The following ZBTB40 variants were observed in gnomAD, a reference collection of about 807,000 sequenced individuals.
ZBTB40 encodes zinc finger and BTB domain containing 40.
ZBTB40 carries 60 observed loss-of-function variants against 117.5 expected under a neutral mutation model. That is an observed-to-expected ratio of 0.51 (90% CI 0.41 to 0.63). The LOEUF is 0.63. Among genes scored for constraint, ZBTB40 ranks in the 30% least tolerant of loss-of-function variants. The probability of loss-of-function intolerance (pLI) is 0.00; values close to 1 mark genes in which losing one functional copy is unlikely to be tolerated. For synonymous variants in ZBTB40, 525 were observed against 577.1 expected (o/e 0.91, Z 1.29); for missense variants, 1,287 against 1,498.5 (o/e 0.86, Z 2.33).
At chr1:22,499,961 CCTTT>C (rs1479552772) in intron 3 of ZBTB40, among the ~76,000 whole-genome samples, 1 of 152,124 alleles carries the variant, frequency 6.6e-6, no homozygotes, top group African/African-American at 2.4e-5. Context: ...AGAAAACTAA[CCTTT>C]TGCTCTCTAA....
chr1:22,522,304 C>G, intron 15 of ZBTB40, 73 bp from the exon 16 acceptor site: 12 of 1,454,936 alleles, frequency 8.2e-6, no homozygotes, highest in Non-Finnish European at 1.2e-5. Flanking sequence ...CAACCCCAGC[C>G]CTGTTACTCT....
intron 6 of ZBTB40, among the ~76,000 whole-genome samples, chr1:22,507,719 G>A (rs1376030220): frequency 6.6e-6 from 1 of 152,094 alleles, no homozygotes; most frequent in Non-Finnish European, 1.5e-5. Context: ...TCTCTTACAA[G>A]TACAGCCTTC....
intron 13 of ZBTB40, 136 bp from the exon 14 acceptor site, chr1:22,519,925 A>G (rs1569885740): frequency 6.0e-6 from 5 of 836,494 alleles, no homozygotes; most frequent in East Asian, 2.4e-5. Flanking sequence ...CTTGGAGTCT[A>G]TGACCCTGCC....
At chr1:22,455,747 G>A (rs911478753) in intron 1 of ZBTB40, among the ~76,000 whole-genome samples, 7 of 152,048 alleles carry the variant, frequency 4.6e-5, no homozygotes, top group African/African-American at 1.7e-4. Flanking sequence ...TCAGTTCAAA[G>A]CATCATTGCA....
chr1:22,508,964 G>C, intron 8 of ZBTB40, 136 bp from the exon 9 acceptor site: 1 of 1,405,810 alleles, frequency 7.1e-7, no homozygotes, highest in Non-Finnish European at 1.0e-6. Flanking sequence ...GCTATTTGCC[G>C]TTTTCCCCAC....
chr1:22,478,332 C>T (rs1641600424), intron 1 of ZBTB40, among the ~76,000 whole-genome samples: 1 of 152,116 alleles, frequency 6.6e-6, no homozygotes, highest in Non-Finnish European at 1.5e-5. Flanking sequence ...ACTGCAAGCT[C>T]CGCCTCCTGG....
intron 1 of ZBTB40, among the ~76,000 whole-genome samples, chr1:22,488,766 T>G (rs193137937): frequency 1.3e-5 from 2 of 152,132 alleles, no homozygotes; most frequent in East Asian, 3.8e-4. Flanking sequence ...GTGTGTTAAG[T>G]AGATTGCTCC....
chr1:22,468,465 C>CTTTTTTTTTTTTTTTTTTTT lies in ZBTB40; in HGVS notation c.-70+16469_-70+16488dup, dbSNP rs555995462. On this transcript the variant is annotated intron_variant, in intron 1 of 17. Transcript: ENST00000375647. ...TTAAAATTTAAAATGTTAATGTTTC[C>CTTTTTTTTTTTTTTTTTTTT]TTTTTTTTTTTTTTTTTTTTTTTTT... is the stretch of plus-strand genomic sequence containing the variant. Among the ~76,000 whole-genome samples, 2 of 51,708 alleles carry CTTTTTTTTTTTTTTTTTTTT rather than the reference C, an allele frequency of 3.9e-5. 1 individual carries two copies. Among genetic ancestry groups the CTTTTTTTTTTTTTTTTTTTT allele is most frequent in the Non-Finnish European group, 6.8e-5 (2 of 29,330 alleles). The allele number at this position is 51,708 out of a possible 152,430, so 33.9% of individuals were successfully genotyped here.
At position 22,499,742 on chromosome 1, in the gene ZBTB40, G is replaced by A. The variant is rs190162487; in HGVS notation, c.832-1750G>A. On this transcript the variant is annotated intron_variant, in intron 3 of 17. Coordinates refer to ENST00000375647, the MANE Select transcript of ZBTB40 (RefSeq NM_014870.4). ...TATACAGACATCCTGTGCTTAGGAA[G>A]CAAGCTAAAGCAAAGCCAAGAAACA... is the stretch of plus-strand genomic sequence containing the variant. 1.7e-4 allele frequency among the ~76,000 whole-genome samples: 26 copies of A among 152,266 alleles called. No homozygotes were observed. The East Asian group carries it at 4.8e-3, about 28-fold the overall frequency.
chr1:22,524,179 T>C, intron 16 of ZBTB40, 39 bp from the exon 17 acceptor site: 1 of 1,598,114 alleles, frequency 6.3e-7, no homozygotes, highest in African/African-American at 1.3e-5. Flanking sequence ...CCAGAGAATT[T>C]TACCCACAGC....
chr1:22,433,596 G>A (rs1240839349), intron 1 of ZBTB40, among the ~76,000 whole-genome samples: 1 of 148,386 alleles, frequency 6.7e-6, no homozygotes, highest in Non-Finnish European at 1.5e-5. Flanking sequence ...AGATATCAGG[G>A]ACTTGAGCAT....
chr1:22,476,404 G>GA (rs1308135262), intron 1 of ZBTB40, among the ~76,000 whole-genome samples: 2 of 152,120 alleles, frequency 1.3e-5, no homozygotes, highest in Non-Finnish European at 2.9e-5. Flanking sequence ...GTGTTCTTTA[G>GA]AGATGGGGTT....
chr1:22,519,973 CACA>C lies in ZBTB40; in HGVS notation c.2834-82_2834-80del. 3.4e-6 allele frequency: 4 copies of C among 1,169,052 alleles called. No homozygotes were observed. The South Asian group carries it at 4.9e-5, about 14-fold the overall frequency. The allele number at this position is 1,169,052 out of a possible 1,614,324, so 72.4% of individuals were successfully genotyped here. A position where few individuals can be genotyped will look rare whatever the true frequency, so the allele number is the denominator to read the frequency against. ...CAGAGTCTTCACATTTGTTGCTGTA[CACA>C]ACAACCAGTGTTTCACTGATGGCTG... On this transcript the variant is annotated intron_variant, in intron 13 of 17. Transcript: ENST00000375647.
At chr1:22,463,594 C>T (rs1286868668) in intron 1 of ZBTB40, among the ~76,000 whole-genome samples, 3 of 152,156 alleles carry the variant, frequency 2.0e-5, no homozygotes, top group Non-Finnish European at 2.9e-5. Flanking sequence ...TGGTCACAAT[C>T]CCTAATCACT....
chr1:22,437,942 C>A (rs1640690827), intron 1 of ZBTB40, among the ~76,000 whole-genome samples: 3 of 151,900 alleles, frequency 2.0e-5, no homozygotes, highest in African/African-American at 7.3e-5. Flanking sequence ...ACCAGCCTGA[C>A]AAACATGGAG....
chr1:22,461,853 G>C (rs977989258), intron 1 of ZBTB40, among the ~76,000 whole-genome samples: 5 of 152,210 alleles, frequency 3.3e-5, no homozygotes, highest in Non-Finnish European at 7.3e-5. Context: ...CCTCAGTTAA[G>C]GTCATTCGGC....
chr1:22,511,089 T>C, intron 9 of ZBTB40, 90 bp from the exon 10 acceptor site: 1 of 1,488,650 alleles, frequency 6.7e-7, no homozygotes, highest in Non-Finnish European at 9.3e-7. Flanking sequence ...CTTCCTGGGA[T>C]TAGCTTTTTT....
rs765299649 is a variant in ZBTB40, at chr1:22,520,042, G to C, written c.2834-19G>C. The C allele has an allele frequency of 4.3e-6, 7 of 1,610,866 alleles. No individual in the cohort carries two copies. The highest frequency in any genetic ancestry group is 5.9e-6 in the Non-Finnish European group (7 of 1,177,038). On this transcript the variant is annotated intron_variant, in intron 13 of 17. Coordinates refer to ENST00000375647, the MANE Select transcript of ZBTB40 (RefSeq NM_014870.4). ...TTTCCTCTCCACCTCTTCCTCTCAT[G>C]GATGTCCCGTGAAACTAGACATAGA... is the stretch of plus-strand genomic sequence containing the variant.
chr1:22,508,213 T>A, intron 7 of ZBTB40, 76 bp downstream of exon 7: 2 of 1,500,756 alleles, frequency 1.3e-6, no homozygotes, highest in Non-Finnish European at 1.8e-6. Flanking sequence ...CACACACACA[T>A]TTATATTTTC....
Sources: allele counts gnomAD v4.1 joint callset (sites outside exome capture counted in the v4.1 genomes callset), GRCh38; gene constraint gnomAD v4.1.1; transcripts MANE v1.5; gene names NCBI Gene and HGNC (gene_info 2026-07-23, HGNC 2026-07-21).